Variants in PPP6R2 observed in about 807,000 individuals in gnomAD.
PPP6R2 encodes serine/threonine-protein phosphatase 6 regulatory subunit 2.
In PPP6R2, 62 loss-of-function variants were observed where a neutral mutation model predicts 100.2. That is an observed-to-expected ratio of 0.62 (90% confidence interval 0.50 to 0.76). The LOEUF (loss-of-function observed/expected upper bound fraction) is 0.76. Among genes scored for constraint, PPP6R2 ranks in the 30% least tolerant of loss-of-function variants. PPP6R2 has a pLI of 0.00. For missense variants in PPP6R2, 1,142 were observed against 1,276.3 expected (o/e 0.89, Z 1.60); for synonymous variants, 525 against 514.7 (o/e 1.02, Z -0.27).
At chr22:50,400,504 G>C (rs1233240535) in intron 3 of PPP6R2, among the ~76,000 whole-genome samples, 1 of 152,086 alleles carries the variant, frequency 6.6e-6, no homozygotes, top group African/African-American at 2.4e-5. Context: ...GCAAGCTCCT[G>C]GCTCACGTGT....
Position 50,438,341 on chromosome 22 carries a change from T to C in PPP6R2, c.1964+43T>C, listed in dbSNP as rs140626666. 3.0e-4 allele frequency: 471 copies of C among 1,588,126 alleles called. 1 individual carries two copies. The African/African-American group carries it at 5.6e-3, about 19-fold the overall frequency. ...CCCCACAAAGCCTCTGCCGAGGAGG[T>C]TCAGCCCCCAGAACACCTGTCAGAC... On this transcript the variant is annotated intron_variant, in intron 18 of 23. Transcript: ENST00000612753.
chr22:50,409,520 C>G (rs371182863), intron 4 of PPP6R2, among the ~76,000 whole-genome samples: 32 of 151,812 alleles, frequency 2.1e-4, no homozygotes, highest in Non-Finnish European at 5.9e-5. Flanking sequence ...CTCCGCCTCC[C>G]GGGTTCCAGC....
intron 10 of PPP6R2, among the ~76,000 whole-genome samples, chr22:50,426,342 G>A (rs1043865779): frequency 6.6e-6 from 1 of 152,038 alleles, no homozygotes; most frequent in Non-Finnish European, 1.5e-5. Context: ...CTGTGCTTTC[G>A]GTGTCATATC....
upstream of PPP6R2, among the ~76,000 whole-genome samples, chr22:50,342,766 G>A (rs972366453): frequency 1.3e-5 from 2 of 152,228 alleles, no homozygotes. Flanking sequence ...GCAAAACGCC[G>A]TGCAAGAACC....
At position 50,441,039 on chromosome 22, in the gene PPP6R2, TGGCGGG is replaced by T; in HGVS notation, c.2579+20_2579+25del. 6.5e-7 allele frequency: 1 copy of T among 1,546,460 alleles called. No individual in the cohort carries two copies. The highest frequency in any genetic ancestry group is 8.7e-7 in the Non-Finnish European group (1 of 1,143,550). ...AGGCTGTCGGCAGGTGTGTGGGGCG[TGGCGGG>T]GGCGGGCCTGCCGGGTGCATAGGGC... is the stretch of plus-strand genomic sequence containing the variant. On this transcript the variant is annotated intron_variant, in intron 22 of 23. Coordinates refer to ENST00000612753, the MANE Select transcript of PPP6R2 (RefSeq NM_001242898.2).
intron 2 of PPP6R2, among the ~76,000 whole-genome samples, 170 bp downstream of exon 2, chr22:50,372,320 G>C (rs2050384807): frequency 6.6e-6 from 1 of 152,152 alleles, no homozygotes; most frequent in South Asian, 2.1e-4. Flanking sequence ...GGGAGGCCGA[G>C]GTGGGTGGAT....
intron 1 of PPP6R2, among the ~76,000 whole-genome samples, chr22:50,359,484 TG>T (rs2047358264): frequency 2.0e-5 from 3 of 152,234 alleles, no homozygotes; most frequent in Middle Eastern, 3.4e-3. Flanking sequence ...CCCAAAGTGC[TG>T]GGATTACAGG....
At chr22:50,416,991 T>A (rs541650960) in intron 6 of PPP6R2, among the ~76,000 whole-genome samples, 1 of 151,968 alleles carries the variant, frequency 6.6e-6, no homozygotes, top group East Asian at 1.9e-4. Flanking sequence ...CTAATAGAAT[T>A]GTATCAGTCG....
chr22:50,436,384 C>T lies in PPP6R2; in HGVS notation c.1534C>T (p.Arg512Cys), dbSNP rs1204791894. ...CCTTGCAGGGCTCCCTGCGGACTGCCGTGGCCGCTGGGAGAGCTTCGTGGA... is the reference window on the plus strand; with the variant it reads ...CCTTGCAGGGCTCCCTGCGGACTGCTGTGGCCGCTGGGAGAGCTTCGTGGA... ...EVIRGLPADC[R>C]GRWESFVEET... is the part of the protein sequence containing the mutation. Residue 512 changes from arginine (R) to cysteine (C), a missense_variant, in exon 14 of 24, where the codon CGT becomes TGT. By Grantham distance (180) the Arg-to-Cys change is radical (BLOSUM62 -3). Transcript: ENST00000612753. The T allele has an allele frequency of 8.2e-6, 13 of 1,582,094 alleles. No individual in the cohort carries two copies. The highest frequency in any genetic ancestry group is 2.3e-5 in the East Asian group (1 of 43,794).
rs1603429510 is a variant in PPP6R2 at position 50,444,324 on chromosome 22, T to C, written c.*77T>C. ...GAGAAAACTACCTGGTGATGCAATC[T>C]TTTTTTTTTTTAATTTAATTTAATT... On this transcript the variant is annotated 3_prime_UTR_variant, in exon 24 of 24. Coordinates refer to ENST00000612753, the MANE Select transcript of PPP6R2 (RefSeq NM_001242898.2). The C allele has an allele frequency of 1.5e-5, 1 of 66,762 alleles. No individual in the cohort carries two copies. The allele number at this position is 66,762 out of a possible 1,614,324, so 4.1% of individuals were successfully genotyped here. A position where few individuals can be genotyped will look rare whatever the true frequency, so the allele number is the denominator to read the frequency against.
chr22:50,377,237 T>TTGGGAGGTAGAGGTAGGGA (rs2051802457), intron 2 of PPP6R2, among the ~76,000 whole-genome samples: 1 of 151,690 alleles, frequency 6.6e-6, no homozygotes, highest in Non-Finnish European at 1.5e-5. Context: ...GGAGATCACT[T>TTGGGAGGTAGAGGTAGGGA]GAGCCCAGAA....
chr22:50,435,170 G>C, intron 13 of PPP6R2, 89 bp downstream of exon 13: 1 of 1,127,536 alleles, frequency 8.9e-7, no homozygotes, highest in Non-Finnish European at 1.2e-6. Context: ...CTGCCCGGCA[G>C]CAGGTGCTGA....
chr22:50,392,340 G>GAAA (rs34539629), intron 2 of PPP6R2, among the ~76,000 whole-genome samples: 5 of 117,610 alleles, frequency 4.3e-5, no homozygotes, highest in East Asian at 2.7e-4. Context: ...TGTCTCTACA[G>GAAA]AAAAAAAAAA....
At position 50,431,577 on chromosome 22, in the gene PPP6R2, C is replaced by T. The variant is rs1490736282; in HGVS notation, c.1335+195C>T. 6.6e-6 allele frequency among the ~76,000 whole-genome samples: 1 copy of T among 152,232 alleles called. No individual in the cohort carries two copies. The highest frequency in any genetic ancestry group is 1.5e-5 in the Non-Finnish European group (1 of 68,040). ...TGGGTCTTGCAGATCTCATTCCTAC[C>T]TGCCTTCAGCAGGGGTACTGGTGCC... On this transcript the variant is annotated intron_variant, in intron 11 of 23. Transcript: ENST00000612753. This position sits in a 1 kb window ranked among gnomAD's most constrained non-coding sequence, Gnocchi z 4.8.
chr22:50,424,173 G>T (rs9637354), intron 10 of PPP6R2, among the ~76,000 whole-genome samples: 2 of 151,972 alleles, frequency 1.3e-5, no homozygotes, highest in Non-Finnish European at 2.9e-5. Flanking sequence ...GAGAGCATGA[G>T]GCTGCTCCCC....
chr22:50,441,100 A>C, intron 22 of PPP6R2, 74 bp downstream of exon 22: 29 of 1,281,166 alleles, frequency 2.3e-5, no homozygotes, highest in Non-Finnish European at 3.0e-5. Context: ...CCCAGGTCTC[A>C]GCTCCCCTGA....
At chr22:50,369,485 C>A (rs1486417201) in intron 1 of PPP6R2, among the ~76,000 whole-genome samples, 2 of 151,722 alleles carry the variant, frequency 1.3e-5, no homozygotes, top group South Asian at 2.1e-4. Context: ...ACTCTGTTAC[C>A]CAAGCTGCAG....
At chr22:50,350,709 G>A (rs1212609747) in intron 1 of PPP6R2, among the ~76,000 whole-genome samples, 2 of 151,644 alleles carry the variant, frequency 1.3e-5, no homozygotes, top group Non-Finnish European at 2.9e-5. Flanking sequence ...GCCGGGTGTG[G>A]TGGTGGGCGC....
At chr22:50,377,102 A>T (rs1397897743) in intron 2 of PPP6R2, among the ~76,000 whole-genome samples, 1 of 152,236 alleles carries the variant, frequency 6.6e-6, no homozygotes, top group African/African-American at 2.4e-5. Flanking sequence ...AAGGTGATAT[A>T]GAATATTTGA....
Sources: gnomAD v4.1 joint callset for allele counts (sites outside exome capture counted in the v4.1 genomes callset) on GRCh38, gnomAD v4.1.1 for gene constraint, Gnocchi (gnomAD v3.1) non-coding constraint, MANE v1.5 for transcripts, NCBI Gene and HGNC (gene_info 2026-07-23, HGNC 2026-07-21) for gene names.